The following NR3C2 variants were observed in gnomAD, a reference collection of about 807,000 sequenced individuals.
NR3C2 encodes nuclear receptor subfamily 3 group C member 2.
In NR3C2, 15 loss-of-function variants were observed where a neutral mutation model predicts 86.4. The observed-to-expected ratio is 0.17, with a 90% CI of 0.12 to 0.27. The LOEUF is 0.27. Among genes scored for constraint, NR3C2 ranks in the 10% least tolerant of loss-of-function variants. The pLI, the probability that NR3C2 is intolerant of heterozygous loss-of-function variation, is 1.00. For missense variants in NR3C2, 960 were observed against 1,195.6 expected, an observed-to-expected ratio of 0.80 and a Z score of 2.91; for synonymous variants, 458 against 450.5, an observed-to-expected ratio of 1.02 and a Z score of -0.21.
rs959438824 is a variant in NR3C2 at position 148,428,783 on chromosome 4, A to G, written c.1757+6321T>C. ...GCTCTCATCCTTCTACACAGCTGAA[A>G]TAATTTCTTAACAAGGCTCTTTATA... On this transcript the variant is annotated intron_variant, in intron 2 of 8. Coordinates refer to ENST00000358102, the MANE Select transcript of NR3C2 (RefSeq NM_000901.5). Among the ~76,000 whole-genome samples the G allele has an allele frequency of 4.6e-5, 7 of 152,134 alleles. No individual in the cohort carries two copies. In the South Asian group the frequency reaches 1.4e-3, roughly 31 times the overall value.
chr4:148,099,475 C>G (rs902075684), intron 8 of NR3C2, among the ~76,000 whole-genome samples: 4 of 152,118 alleles, frequency 2.6e-5, no homozygotes, highest in African/African-American at 9.7e-5. Context: ...TTTAATCACC[C>G]CATCTTAATT....
At chr4:148,239,215 T>C (rs966814903) in intron 3 of NR3C2, among the ~76,000 whole-genome samples, 1 of 152,184 alleles carries the variant, frequency 6.6e-6, no homozygotes, top group African/African-American at 2.4e-5. Context: ...CTGATACCTG[T>C]CCCCTAGCAT....
At chr4:148,335,728 G>A (rs1467857840) in intron 2 of NR3C2, among the ~76,000 whole-genome samples, 1 of 151,758 alleles carries the variant, frequency 6.6e-6, no homozygotes, top group East Asian at 1.9e-4. Flanking sequence ...TTCAGGGTTA[G>A]AGAACATTTT....
At chr4:148,260,583 T>C (rs994189405) in intron 2 of NR3C2, among the ~76,000 whole-genome samples, 2 of 152,158 alleles carry the variant, frequency 1.3e-5, no homozygotes, top group Non-Finnish European at 2.9e-5. Flanking sequence ...TCCAAAATAA[T>C]CCACTAATTT....
In NR3C2 at chr4:148,203,362, TTC is replaced by T. The variant is rs1387650974; in HGVS notation, c.1898-8502_1898-8501del. On this transcript the variant is annotated intron_variant, in intron 3 of 8. Transcript: ENST00000358102. ...TTATTTTCAGTATCAAAAAGGCAAT[TTC>T]TCCAAATCCTTTTTAAAATTAACTT... Among the ~76,000 whole-genome samples the T allele has an allele frequency of 2.0e-5, 3 of 152,290 alleles. No homozygotes were observed. The East Asian group carries it at 5.8e-4, about 29-fold the overall frequency.
Position 148,399,641 on chromosome 4 carries a change from C to T in NR3C2, c.1757+35463G>A, listed in dbSNP as rs1335648543. Among the ~76,000 whole-genome samples the T allele has an allele frequency of 2.0e-5, 3 of 151,588 alleles. No homozygotes were observed. The East Asian group carries it at 5.8e-4, about 29-fold the overall frequency. On this transcript the variant is annotated intron_variant, in intron 2 of 8. Coordinates refer to ENST00000358102, the MANE Select transcript of NR3C2 (RefSeq NM_000901.5). ...AAAAAATTTATACACCTTACATAAA[C>T]AAACACTACTCTCCATCATCGACAA...
intron 2 of NR3C2, among the ~76,000 whole-genome samples, chr4:148,336,184 G>T (rs1744478628): frequency 6.6e-6 from 1 of 152,122 alleles, no homozygotes; most frequent in African/African-American, 2.4e-5. Flanking sequence ...GTTCCTACGG[G>T]TGGCAAGGGA....
chr4:148,288,260 A>C (rs1741630107), intron 2 of NR3C2, among the ~76,000 whole-genome samples: 1 of 152,228 alleles, frequency 6.6e-6, no homozygotes, highest in Non-Finnish European at 1.5e-5. Context: ...TAAGGATCTA[A>C]TACATGACTA....
chr4:148,233,820 T>A lies in NR3C2; in HGVS notation c.1897+26158A>T, dbSNP rs142644150. 4.8e-3 allele frequency among the ~76,000 whole-genome samples: 728 copies of A among 152,008 alleles called. 12 individuals carry two copies. The highest frequency in any genetic ancestry group is 0.017 in the African/African-American group (690 of 41,378). ...GCAATTACAATAGCAACATCAAAGA[T>A]CACTGATCACTATAACAGATATAAT... On this transcript the variant is annotated intron_variant, in intron 3 of 8. Coordinates refer to ENST00000358102, the MANE Select transcript of NR3C2 (RefSeq NM_000901.5).
intron 2 of NR3C2, among the ~76,000 whole-genome samples, chr4:148,371,542 G>T (rs1746421844): frequency 6.6e-6 from 1 of 151,804 alleles, no homozygotes; most frequent in East Asian, 1.9e-4. Flanking sequence ...CCATGTTATT[G>T]AAAGTGAAAA....
chr4:148,204,516 T>C (rs188438141), intron 3 of NR3C2, among the ~76,000 whole-genome samples: 3 of 152,334 alleles, frequency 2.0e-5, no homozygotes, highest in African/African-American at 4.8e-5. Context: ...ATTATCCCCA[T>C]TTTGTCAATT....
chr4:148,097,751 G>GTTTT (rs553156519), intron 8 of NR3C2, among the ~76,000 whole-genome samples: 2 of 102,908 alleles, frequency 1.9e-5, no homozygotes, highest in Admixed American at 9.0e-5. Context: ...GTTTTTTTTT[G>GTTTT]TTTTTTTTTT....
intron 3 of NR3C2, among the ~76,000 whole-genome samples, chr4:148,252,897 G>C (rs930971938): frequency 1.3e-5 from 2 of 152,036 alleles, no homozygotes; most frequent in African/African-American, 4.8e-5. Context: ...AACAAGATGG[G>C]TTGTAAACAA....
At chr4:148,163,234 A>T (rs1027613882) in intron 4 of NR3C2, among the ~76,000 whole-genome samples, 1 of 152,242 alleles carries the variant, frequency 6.6e-6, no homozygotes, top group African/African-American at 2.4e-5. Context: ...TTCTAAGATA[A>T]TAGGTAAGCA....
intron 3 of NR3C2, chr4:148,200,994 G>GA (rs1736691610): frequency 6.6e-6 from 1 of 152,136 alleles, no homozygotes; most frequent in South Asian, 2.1e-4. Context: ...CATTTTGGCT[G>GA]AAATGAAGCT....
At chr4:148,135,755 G>A (rs1489508921) in intron 6 of NR3C2, among the ~76,000 whole-genome samples, 3 of 150,820 alleles carry the variant, frequency 2.0e-5, no homozygotes, top group African/African-American at 7.3e-5. Flanking sequence ...TCATACTGAA[G>A]TTTAAAAAAC....
chr4:148,319,739 C>A (rs1298699514), intron 2 of NR3C2, among the ~76,000 whole-genome samples: 3 of 150,822 alleles, frequency 2.0e-5, no homozygotes, highest in African/African-American at 7.4e-5. Flanking sequence ...TATCCTGAGA[C>A]TTTGCTGAAG....
chr4:148,096,822 AG>A (rs1731297413), intron 8 of NR3C2, among the ~76,000 whole-genome samples: 1 of 152,212 alleles, frequency 6.6e-6, no homozygotes, highest in Admixed American at 6.5e-5. Flanking sequence ...GGCACAGCTG[AG>A]TAGCTGTAAC....
intron 4 of NR3C2, 102 bp from the exon 5 acceptor site, chr4:148,155,003 T>C (rs1024737012): frequency 2.7e-4 from 247 of 920,794 alleles, no homozygotes; most frequent in Admixed American, 9.8e-4. Context: ...GATCTTGTTA[T>C]GTCAATAGGA....
Sources: allele counts gnomAD v4.1 joint callset (sites outside exome capture counted in the v4.1 genomes callset), GRCh38; gene constraint gnomAD v4.1.1; transcripts MANE v1.5; gene names NCBI Gene and HGNC (gene_info 2026-07-23, HGNC 2026-07-21).